ELP1: variants seen among roughly 807,000 people sequenced by gnomAD.
ELP1 encodes the protein elongator acetyltransferase complex subunit 1.
ELP1 carries 131 observed loss-of-function variants against 183.2 expected under a neutral mutation model. The observed-to-expected ratio is 0.72, with a 90% CI of 0.62 to 0.83. ELP1 has a LOEUF of 0.83. Among genes scored for constraint, ELP1 ranks in the 40% least tolerant of loss-of-function variants. The pLI, the probability that ELP1 is intolerant of heterozygous loss-of-function variation, is 0.00. For missense variants in ELP1, 1,550 were observed against 1,594.9 expected, an observed-to-expected ratio of 0.97 and a Z score of 0.48; for synonymous variants, 555 against 569.0, an observed-to-expected ratio of 0.98 and a Z score of 0.35.
intron 29 of ELP1, 86 bp from the exon 30 acceptor site, chr9:108,882,273 G>T: frequency 1.8e-6 from 2 of 1,121,680 alleles, no homozygotes; most frequent in Non-Finnish European, 2.7e-6. Context: ...CCACAGACCT[G>T]CCTCTATCTC....
Position 108,878,673 on chromosome 9 carries a change from G to T in ELP1, c.3650C>A (p.Ala1217Asp). ...LKEGSPLEDL[A>D]LLEALSEVVQ... ...CACTTCACTCAGTGCCTCCAGGAGG[G>T]CCAGGTCCTCCAGCGGACTGCCTTC... Residue 1217 changes from alanine to aspartate, a missense_variant, in exon 34 of 37, where the codon GCC (alanine) becomes GAC (aspartate). By Grantham distance (126) the Ala-to-Asp change is moderately radical. Coordinates refer to ENST00000374647, the MANE Select transcript of ELP1 (RefSeq NM_003640.5). 6.2e-7 allele frequency: 1 copy of T among 1,614,046 alleles called. No individual in the cohort carries two copies. Among genetic ancestry groups the T allele is most frequent in the Admixed American group, 1.7e-5 (1 of 60,020 alleles).
chr9:108,913,889 T>C (rs1211097908), intron 10 of ELP1, among the ~76,000 whole-genome samples: 1 of 152,222 alleles, frequency 6.6e-6, no homozygotes, highest in African/African-American at 2.4e-5. Context: ...GTGCCATCCC[T>C]TGACACACTG....
At chr9:108,869,951 GCA>G (rs1827380593) in intron 36 of ELP1, among the ~76,000 whole-genome samples, 1 of 152,090 alleles carries the variant, frequency 6.6e-6, no homozygotes, top group Non-Finnish European at 1.5e-5. Context: ...GGACCCCCCT[GCA>G]CAGTCAAAAA....
rs141707888 is a variant in ELP1 at position 108,927,369 on chromosome 9, T to G, written c.385+3A>C. On this transcript the variant is annotated splice_donor_region_variant and intron_variant, in intron 4 of 36. Transcript: ENST00000374647. ...GCCAGTGAGGCACCAGTAACAAGCT[T>G]ACCTGTGGCAAGAAGCACCAGCTCT... The G allele has an allele frequency of 3.1e-6, 5 of 1,611,392 alleles. No individual in the cohort carries two copies. Among genetic ancestry groups the G allele is most frequent in the Non-Finnish European group, 4.2e-6 (5 of 1,177,558 alleles).
rs3818875 is a variant in ELP1, at chr9:108,878,244, G to A, written c.3701-95C>T. The stretch of plus-strand genomic sequence containing the variant: ...TCTATCCAAAGCCAAAAATTTCTAT[G>A]ATCCCACTGCAGGTCCTTTCTCCCA... On this transcript the variant is annotated intron_variant, in intron 34 of 36. Transcript: ENST00000374647. 3.0e-6 allele frequency: 3 copies of A among 1,011,962 alleles called. No homozygotes were observed. In the South Asian group the frequency reaches 4.0e-5, roughly 14 times the overall value. The allele number at this position is 1,011,962 out of a possible 1,614,324, so 62.7% of individuals were successfully genotyped here.
chr9:108,900,186 A>G (rs1731207945), intron 19 of ELP1, 74 bp downstream of exon 19: 8 of 1,067,032 alleles, frequency 7.5e-6, no homozygotes, highest in African/African-American at 1.6e-5. Context: ...CTAAAATACA[A>G]CCTGCAAGAA....
rs1828588352 is a variant in ELP1, at chr9:108,897,186, A to G, written c.2463T>C (p.Asp821=). The change falls in exon 23 of 37, where the codon GAT becomes GAC. Residue 821 remains aspartate, a synonymous_variant. Coordinates refer to ENST00000374647, the MANE Select transcript of ELP1 (RefSeq NM_003640.5). ...TGCTCTCCATGACTGCTCTCATAGC[A>G]TCGCAGACAAGGTCTATTTTATTCC... ...PDGNKIDLVC[D]AMRAVMESIN... is the part of the protein sequence containing the mutation. 1 of 1,614,200 alleles carries G rather than the reference A, an allele frequency of 6.2e-7. No homozygotes were observed. The highest frequency in any genetic ancestry group is 1.7e-5 in the Admixed American group (1 of 60,026).
chr9:108,882,329 A>G, intron 29 of ELP1, 142 bp from the exon 30 acceptor site: 1 of 682,012 alleles, frequency 1.5e-6, no homozygotes, highest in Admixed American at 2.1e-5. Flanking sequence ...TGCCTATCCT[A>G]GAGTTCATGA....
chr9:108,886,686 T>A (rs549581744), intron 29 of ELP1, among the ~76,000 whole-genome samples: 1 of 152,210 alleles, frequency 6.6e-6, no homozygotes, highest in East Asian at 1.9e-4. Flanking sequence ...ATTGGCAAAT[T>A]TTTCCTGTAA....
chr9:108,919,737 A>G (rs1829574395), intron 6 of ELP1, among the ~76,000 whole-genome samples: 2 of 152,216 alleles, frequency 1.3e-5, no homozygotes, highest in Non-Finnish European at 2.9e-5. Flanking sequence ...TAAGCTTCAC[A>G]ACAGGGCACA....
chr9:108,892,535 A>G (rs930261619), intron 27 of ELP1, among the ~76,000 whole-genome samples: 1 of 152,222 alleles, frequency 6.6e-6, no homozygotes, highest in Admixed American at 6.5e-5. Context: ...ATCCTCAGGC[A>G]AGTTGCTTCC....
intron 29 of ELP1, among the ~76,000 whole-genome samples, chr9:108,885,489 G>A (rs1828090453): frequency 6.8e-6 from 1 of 147,414 alleles, no homozygotes; most frequent in Non-Finnish European, 1.5e-5. Flanking sequence ...ATAGGCTAAT[G>A]TCTACTAAAG....
intron 2 of ELP1, among the ~76,000 whole-genome samples, chr9:108,930,583 G>T (rs372303295): frequency 3.3e-5 from 5 of 151,836 alleles, no homozygotes; most frequent in African/African-American, 1.2e-4. Flanking sequence ...CCAGCTTCTC[G>T]GGAGGCTGAG....
intron 36 of ELP1, 136 bp downstream of exon 36, chr9:108,874,759 G>C: frequency 1.4e-6 from 1 of 693,666 alleles, no homozygotes; most frequent in South Asian, 1.6e-5. Context: ...TCTTAGAATT[G>C]AGGAAGAATT....
At chr9:108,881,412 A>C (rs549266310) in intron 31 of ELP1, among the ~76,000 whole-genome samples, 2 of 152,344 alleles carry the variant, frequency 1.3e-5, no homozygotes, top group South Asian at 2.1e-4. Context: ...GAAATTTATC[A>C]GTGTTATATT....
Position 108,875,060 on chromosome 9 carries a change from C to T in ELP1, c.3856-90G>A. The stretch of plus-strand genomic sequence containing the variant: ...AGGCCAAATCCCTACCCCCAGAAAA[C>T]AGCCTGTCATTTCTACTGGTATGGT... On this transcript the variant is annotated intron_variant, in intron 35 of 36. Transcript: ENST00000374647. 9.5e-6 allele frequency: 8 copies of T among 842,478 alleles called. No individual in the cohort carries two copies. In the South Asian group the frequency reaches 1.1e-4, roughly 11 times the overall value. 52.2% of individuals were successfully genotyped at this position (842,478 alleles called of 1,614,324 possible). A position where few individuals can be genotyped will look rare whatever the true frequency, so the allele number is the denominator to read the frequency against.
chr9:108,892,500 C>G (rs1263569605), intron 27 of ELP1, among the ~76,000 whole-genome samples: 2 of 152,180 alleles, frequency 1.3e-5, no homozygotes, highest in Non-Finnish European at 2.9e-5. Flanking sequence ...CTCTGTATCC[C>G]AGGTCCAGCA....
At chr9:108,903,768 G>A (rs1828910090) in intron 14 of ELP1, 99 bp from the exon 15 acceptor site, 2 of 808,576 alleles carry the variant, frequency 2.5e-6, no homozygotes, top group East Asian at 5.0e-5. Flanking sequence ...TTTTGATGCT[G>A]CACTACCTAC....
At chr9:108,920,860 T>C (rs982269582) in intron 6 of ELP1, among the ~76,000 whole-genome samples, 1 of 152,160 alleles carries the variant, frequency 6.6e-6, no homozygotes, top group Non-Finnish European at 1.5e-5. Context: ...CTCGGTTTTT[T>C]TCCCCCATTA....
Sources: allele counts gnomAD v4.1 joint callset (sites outside exome capture counted in the v4.1 genomes callset), GRCh38; gene constraint gnomAD v4.1.1; transcripts MANE v1.5; gene names NCBI Gene and HGNC (gene_info 2026-07-23, HGNC 2026-07-21).